The following ATP2B2 variants were observed in gnomAD, a reference collection of about 807,000 sequenced individuals.
ATP2B2 encodes ATPase plasma membrane Ca2+ transporting 2.
ATP2B2 carries 15 observed loss-of-function variants against 120.0 expected under a neutral mutation model. That is an observed-to-expected ratio of 0.12 (90% CI 0.08 to 0.19). The LOEUF (loss-of-function observed/expected upper bound fraction) is 0.19, where lower values mean the gene tolerates loss of function less well. Ranked by LOEUF, ATP2B2 falls within the 10% of genes least tolerant of loss-of-function variation. The probability of loss-of-function intolerance (pLI) is 1.00; values close to 1 mark genes in which losing one functional copy is unlikely to be tolerated. For missense variants in ATP2B2, 1,045 were observed against 1,719.8 expected (o/e 0.61, Z 6.94); for synonymous variants, 694 against 700.3 (o/e 0.99, Z 0.14).
At chr3:10,527,815 T>C (rs2067128727) in intron 3 of ATP2B2, among the ~76,000 whole-genome samples, 1 of 152,178 alleles carries the variant, frequency 6.6e-6, no homozygotes, top group Admixed American at 6.5e-5. Flanking sequence ...AAGTACCCTC[T>C]CTGACTGCTC....
At chr3:10,631,830 A>G (rs1043750422) in intron 1 of ATP2B2, among the ~76,000 whole-genome samples, 5 of 152,240 alleles carry the variant, frequency 3.3e-5, no homozygotes, top group African/African-American at 1.2e-4. Flanking sequence ...AAAGTGCCAG[A>G]AGATTTAACA....
intron 2 of ATP2B2, among the ~76,000 whole-genome samples, chr3:10,550,454 C>A (rs2067643529): frequency 6.6e-6 from 1 of 152,018 alleles, no homozygotes. Flanking sequence ...AAACTTGATC[C>A]TAATATTATA....
At chr3:10,475,884 A>G (rs2065185669) in intron 1 of ATP2B2, among the ~76,000 whole-genome samples, 1 of 152,154 alleles carries the variant, frequency 6.6e-6, no homozygotes, top group African/African-American at 2.4e-5. Context: ...GGTGATTCAG[A>G]CAAAAGCTCT....
rs2059834938 is a variant in ATP2B2, at chr3:10,324,898, C to T, written c.*3916G>A. The T allele has an allele frequency of 6.6e-6, 1 of 152,254 alleles. No homozygotes were observed. The highest frequency in any genetic ancestry group is 2.1e-4 in the South Asian group (1 of 4,826). The allele number at this position is 152,254 out of a possible 1,614,324, so 9.4% of individuals were successfully genotyped here. On this transcript the variant is annotated 3_prime_UTR_variant, in exon 23 of 23. Transcript: ENST00000360273. Reference sequence around the variant, plus strand: ...AACTGGGCCACACATTCTTTCCCAGCTCCAGGCCTAGGAGAGACTCCTCTT... The same window carrying T: ...AACTGGGCCACACATTCTTTCCCAGTTCCAGGCCTAGGAGAGACTCCTCTT...
At chr3:10,350,070 G>C in intron 16 of ATP2B2, 42 bp downstream of exon 16, 1 of 1,594,500 alleles carries the variant, frequency 6.3e-7, no homozygotes, top group Non-Finnish European at 8.6e-7. Flanking sequence ...CTTCTGGCCT[G>C]GTGCTGGGCT....
intron 2 of ATP2B2, among the ~76,000 whole-genome samples, chr3:10,568,958 AAAC>A (rs1299481247): frequency 1.3e-5 from 2 of 152,248 alleles, no homozygotes; most frequent in East Asian, 3.8e-4. Flanking sequence ...CATCAGCTAG[AAAC>A]AACAACTTGC....
rs2060181751 is a variant in ATP2B2, at chr3:10,338,269, G to A, written c.3327C>T (p.Leu1109=). The A allele has an allele frequency of 6.2e-7, 1 of 1,613,964 alleles. No homozygotes were observed. The highest frequency in any genetic ancestry group is 8.5e-7 in the Non-Finnish European group (1 of 1,179,972). ...TQKEEIPEEE[L]NEDVEEIDHA... ...GGTCGATCTCCTCCACGTCCTCGTTGAGCTCCTCCTCCGGGATCTCCTCCT... is the reference window on the plus strand; with the variant it reads ...GGTCGATCTCCTCCACGTCCTCGTTAAGCTCCTCCTCCGGGATCTCCTCCT... The change falls in exon 22 of 23, where the codon CTC becomes CTT. Residue 1109 remains leucine, a synonymous_variant. Transcript: ENST00000360273.
intron 2 of ATP2B2, among the ~76,000 whole-genome samples, chr3:10,591,303 G>T (rs1460643338): frequency 6.6e-6 from 1 of 152,126 alleles, no homozygotes; most frequent in Non-Finnish European, 1.5e-5. Context: ...GCCTCCTCAA[G>T]TGGACTTGCC....
chr3:10,595,534 G>T (rs1162588370), intron 2 of ATP2B2, among the ~76,000 whole-genome samples: 1 of 152,238 alleles, frequency 6.6e-6, no homozygotes, highest in South Asian at 2.1e-4. Context: ...GGAAACAGAG[G>T]CTCAAAAATA....
chr3:10,607,225 G>A (rs2069111800), intron 2 of ATP2B2, among the ~76,000 whole-genome samples: 1 of 152,156 alleles, frequency 6.6e-6, no homozygotes, highest in Non-Finnish European at 1.5e-5. Flanking sequence ...ACTTGTGTGA[G>A]GGTTGAATAA....
chr3:10,545,972 G>A (rs1412325598), intron 2 of ATP2B2, among the ~76,000 whole-genome samples: 4 of 152,188 alleles, frequency 2.6e-5, no homozygotes, highest in African/African-American at 7.2e-5. Flanking sequence ...AATTACTATG[G>A]TTATGGTATG....
chr3:10,655,656 C>T (rs9834717), intron 1 of ATP2B2, among the ~76,000 whole-genome samples: 33,526 of 151,962 alleles, frequency 0.22, 6,171 homozygotes, highest in African/African-American at 0.5. Flanking sequence ...GCCCCATGTC[C>T]CTGGACTTAC....
chr3:10,431,615 C>T (rs889661922), intron 2 of ATP2B2, among the ~76,000 whole-genome samples: 4 of 152,122 alleles, frequency 2.6e-5, no homozygotes, highest in Non-Finnish European at 5.9e-5. Flanking sequence ...ACACACAAAG[C>T]CAAAATATGC....
At chr3:10,576,839 C>T (rs1164248700) in intron 2 of ATP2B2, among the ~76,000 whole-genome samples, 3 of 151,850 alleles carry the variant, frequency 2.0e-5, no homozygotes, top group South Asian at 2.1e-4. Flanking sequence ...CCAAGGTGGG[C>T]GGATCACAAG....
At chr3:10,526,356 G>A (rs1355409956) in intron 3 of ATP2B2, among the ~76,000 whole-genome samples, 1 of 152,150 alleles carries the variant, frequency 6.6e-6, no homozygotes, top group Non-Finnish European at 1.5e-5. Context: ...GGTGGAAGCT[G>A]GGGTTCCAAT....
At chr3:10,439,446 C>T (rs578076109) in intron 2 of ATP2B2, among the ~76,000 whole-genome samples, 1 of 152,234 alleles carries the variant, frequency 6.6e-6, no homozygotes, top group South Asian at 2.1e-4. Context: ...CCCCTTGGGG[C>T]CCCCGCAAAG....
At chr3:10,553,846 G>A (rs2067721797) in intron 2 of ATP2B2, among the ~76,000 whole-genome samples, 1 of 152,056 alleles carries the variant, frequency 6.6e-6, no homozygotes, top group Non-Finnish European at 1.5e-5. Flanking sequence ...TTGCTAAGCG[G>A]CCCTATGACC....
intron 1 of ATP2B2, among the ~76,000 whole-genome samples, chr3:10,694,977 T>C (rs2071720459): frequency 1.3e-5 from 2 of 151,944 alleles, no homozygotes; most frequent in Admixed American, 6.5e-5. Context: ...TGGCTGCTTG[T>C]GATTAAAAGG....
intron 12 of ATP2B2, among the ~76,000 whole-genome samples, chr3:10,369,863 C>A (rs1362908349): frequency 6.6e-6 from 1 of 152,240 alleles, no homozygotes; most frequent in African/African-American, 2.4e-5. Flanking sequence ...GTCCTTCCCA[C>A]ATCGACGGCT....
Sources: gnomAD v4.1 joint callset for allele counts (sites outside exome capture counted in the v4.1 genomes callset) on GRCh38, gnomAD v4.1.1 for gene constraint, MANE v1.5 for transcripts, NCBI Gene and HGNC (gene_info 2026-07-23, HGNC 2026-07-21) for gene names.